PAK4: variants seen among roughly 807,000 people sequenced by gnomAD.
PAK4 encodes the protein serine/threonine-protein kinase PAK 4.
A neutral mutation model predicts 53.5 loss-of-function variants in PAK4; 49 were observed. The ratio of observed to expected loss-of-function variants is 0.92; its 90% CI spans 0.73 to 1.16. The LOEUF is 1.16. Ranked by LOEUF, PAK4 falls within the 50% of genes most tolerant of loss-of-function variation. PAK4 has a pLI of 0.00. For missense variants in PAK4, 824 were observed against 850.7 expected (o/e 0.97, Z 0.39); for synonymous variants, 376 against 375.6 (o/e 1.00, Z -0.01).
intron 4 of PAK4, 96 bp downstream of exon 5, chr19:39,174,106 C>A: frequency 1.2e-6 from 1 of 820,898 alleles, no homozygotes; most frequent in Non-Finnish European, 1.9e-6. Flanking sequence ...CTCCTCCGTG[C>A]TGGGCCAGGC....
At chr19:39,179,360 CCCTG>C (rs1399406903) in exon 9 of PAK4, 2 of 151,960 alleles carry the variant, frequency 1.3e-5, no homozygotes, top group African/African-American at 4.8e-5. Context: ...GCCCGCCCAC[CCCTG>C]CCTCGAGTTA....
intron 1 of PAK4, among the ~76,000 whole-genome samples, chr19:39,159,923 G>A (rs2074256787): frequency 1.3e-5 from 2 of 152,184 alleles, no homozygotes; most frequent in Admixed American, 6.5e-5. Context: ...TGTCTTTATG[G>A]GCTTTTACCC....
intron 1 of PAK4, among the ~76,000 whole-genome samples, chr19:39,144,551 T>A (rs1000915487): frequency 2.0e-5 from 3 of 152,234 alleles, no homozygotes; most frequent in Non-Finnish European, 4.4e-5. Flanking sequence ...TCTGGGTTTG[T>A]TCTGGAGGCC....
At chr19:39,166,971 G>A (rs1185627730) in intron 1 of PAK4, among the ~76,000 whole-genome samples, 2 of 152,210 alleles carry the variant, frequency 1.3e-5, no homozygotes, top group Non-Finnish European at 2.9e-5. Context: ...AATATCCGGA[G>A]GCGTGCCCCT....
chr19:39,144,322 G>A (rs903671225), intron 1 of PAK4, among the ~76,000 whole-genome samples: 10 of 152,162 alleles, frequency 6.6e-5, no homozygotes, highest in Admixed American at 5.9e-4. Context: ...TTCACACACC[G>A]TGTGAACGGC....
chr19:39,170,533 G>A (rs1054981541), intron 2 of PAK4, among the ~76,000 whole-genome samples: 3 of 152,232 alleles, frequency 2.0e-5, no homozygotes, highest in Non-Finnish European at 4.4e-5. Context: ...GCCTGAGCCC[G>A]TGCTGGGCCT....
intron 1 of PAK4, chr19:39,152,195 A>G (rs1041117878): frequency 1.3e-5 from 2 of 151,962 alleles, no homozygotes; most frequent in Non-Finnish European, 2.9e-5. Flanking sequence ...CAGCCTCCCA[A>G]AGTGCTGAGA....
intron 1 of PAK4, among the ~76,000 whole-genome samples, chr19:39,141,918 C>T (rs1423144990): frequency 6.6e-6 from 1 of 152,232 alleles, no homozygotes; most frequent in Non-Finnish European, 1.5e-5. Flanking sequence ...TGAGCCACGG[C>T]GCCCGGCCCA....
intron 1 of PAK4, among the ~76,000 whole-genome samples, chr19:39,146,704 G>C (rs1190363919): frequency 6.6e-6 from 1 of 152,086 alleles, no homozygotes; most frequent in East Asian, 1.9e-4. Context: ...ATCTGGCTGT[G>C]ATGCTGTGCA....
chr19:39,161,822 G>A lies in PAK4; in HGVS notation c.-22-7710G>A, dbSNP rs2074289598. Among the ~76,000 whole-genome samples the A allele has an allele frequency of 6.6e-6, 1 of 151,740 alleles. No individual in the cohort carries two copies. Among genetic ancestry groups the A allele is most frequent in the African/African-American group, 2.4e-5 (1 of 41,266 alleles). The stretch of plus-strand genomic sequence containing the variant: ...TGACCATATCAAGCAAATTCCTACC[G>A]CCCTGGCTGTTCCTTCCTCCTGGGC... On this transcript the variant is annotated intron_variant, in intron 1 of 8. Coordinates refer to ENST00000358301, the Ensembl canonical transcript of PAK4. This position sits in a 1 kb window ranked among gnomAD's most constrained non-coding sequence, Gnocchi z 4.5.
At chr19:39,167,627 C>G (rs2074399465) in intron 1 of PAK4, among the ~76,000 whole-genome samples, 1 of 152,172 alleles carries the variant, frequency 6.6e-6, no homozygotes, top group Non-Finnish European at 1.5e-5. Flanking sequence ...AGGCCCGGCT[C>G]TGACCACCCG....
At chr19:39,158,054 G>T (rs2074216144) in intron 1 of PAK4, among the ~76,000 whole-genome samples, 1 of 148,684 alleles carries the variant, frequency 6.7e-6, no homozygotes, top group East Asian at 2.0e-4. Flanking sequence ...GCATGTATTT[G>T]TGAGCGTGTG....
chr19:39,128,654 C>G (rs2073637540), intron 1 of PAK4, among the ~76,000 whole-genome samples: 1 of 152,246 alleles, frequency 6.6e-6, no homozygotes, highest in South Asian at 2.1e-4. Flanking sequence ...TGCATCCGGC[C>G]ATCGTCTGGC....
At chr19:39,158,382 A>G (rs1006447218) in intron 1 of PAK4, among the ~76,000 whole-genome samples, 3 of 152,144 alleles carry the variant, frequency 2.0e-5, no homozygotes, top group African/African-American at 4.8e-5. Flanking sequence ...CAGGGGAGGT[A>G]GACAGTGAGA....
chr19:39,165,078 C>CT (rs1239341668), intron 1 of PAK4, among the ~76,000 whole-genome samples: 2 of 151,528 alleles, frequency 1.3e-5, no homozygotes, highest in African/African-American at 4.9e-5. Context: ...GGGAGGGACC[C>CT]TCACTCAGCA....
At chr19:39,154,443 A>T (rs1178653093) in intron 1 of PAK4, among the ~76,000 whole-genome samples, 4 of 152,100 alleles carry the variant, frequency 2.6e-5, no homozygotes, top group Non-Finnish European at 4.4e-5. Context: ...GAAAAGAAAA[A>T]ACCTGAAAGT....
Position 39,173,999 on chromosome 19 carries a change from C to A in PAK4, c.1087C>A (p.Leu363Ile). ...GCGCAAGCAGCAGAGGCGCGAGCTG[C>A]TCTTCAACGAGGTGCGGGCGCTGCT... Residue 363 changes from leucine (L) to isoleucine (I), a missense_variant, in exon 4 of 9, where the codon CTC becomes ATC. Physicochemically the swap from Leu to Ile is conservative, Grantham distance 5 (BLOSUM62 2). Around this residue, in one of 2 missense-constraint regions of PAK4, gnomAD observed 346 missense variants for 415.0 expected, o/e 0.83. Coordinates refer to ENST00000358301, the Ensembl canonical transcript of PAK4. This position sits in a 1 kb window ranked among gnomAD's most constrained non-coding sequence, Gnocchi z 6.9. 1 of 1,594,864 alleles carries A rather than the reference C, an allele frequency of 6.3e-7. No individual in the cohort carries two copies. The highest frequency in any genetic ancestry group is 8.5e-7 in the Non-Finnish European group (1 of 1,173,460).
At chr19:39,150,404 C>T (rs1390410918) in intron 1 of PAK4, among the ~76,000 whole-genome samples, 6 of 152,170 alleles carry the variant, frequency 3.9e-5, no homozygotes, top group African/African-American at 1.2e-4. Flanking sequence ...ATCCTCAGCC[C>T]GTGTCTGACT....
chr19:39,142,550 TC>T (rs534842649), intron 1 of PAK4, among the ~76,000 whole-genome samples: 19 of 152,012 alleles, frequency 1.2e-4, no homozygotes, highest in African/African-American at 3.4e-4. Context: ...GAGGCTCGGG[TC>T]CCCCCTTCCC....
Sources: allele counts gnomAD v4.1 joint callset (sites outside exome capture counted in the v4.1 genomes callset), GRCh38; gene constraint gnomAD v4.1.1; regional missense constraint gnomAD v4.1.1; non-coding constraint Gnocchi (gnomAD v3.1); transcripts MANE v1.5; gene names NCBI Gene and HGNC (gene_info 2026-07-23, HGNC 2026-07-21).